EMCN: variants seen among roughly 807,000 people sequenced by gnomAD.
EMCN encodes endomucin.
In EMCN, 37 loss-of-function variants were observed where a neutral mutation model predicts 38.4. That is an observed-to-expected ratio of 0.96 (90% CI 0.74 to 1.27). The LOEUF is 1.27. EMCN is among the 50% of genes most tolerant of loss of function. The pLI is 0.00. For missense variants in EMCN, 318 were observed against 302.8 expected, an observed-to-expected ratio of 1.05 and a Z score of -0.37; for synonymous variants, 95 against 100.8, an observed-to-expected ratio of 0.94 and a Z score of 0.35.
At chr4:100,476,551 A>C (rs935109385) in intron 2 of EMCN, among the ~76,000 whole-genome samples, 1 of 152,168 alleles carries the variant, frequency 6.6e-6, no homozygotes, top group African/African-American at 2.4e-5. Context: ...TAAAGATATT[A>C]TATTATTTTG....
intron 11 of EMCN, among the ~76,000 whole-genome samples, chr4:100,409,989 C>T (rs1726504411): frequency 1.3e-5 from 2 of 152,188 alleles, no homozygotes; most frequent in African/African-American, 2.4e-5. Flanking sequence ...GCTTACTGAC[C>T]TAGGTAGGCA....
chr4:100,459,235 TAG>T (rs1162763204), intron 4 of EMCN, among the ~76,000 whole-genome samples: 1 of 143,800 alleles, frequency 7.0e-6, no homozygotes, highest in Non-Finnish European at 1.5e-5. Context: ...CTCTCATCTC[TAG>T]AGAGAGAGAC....
rs762362844 is a variant in EMCN at position 100,410,321 on chromosome 4, T to C, written c.786A>G (p.Ter262TrpextTer15). 6.2e-7 allele frequency: 1 copy of C among 1,613,728 alleles called. No individual in the cohort carries two copies. The highest frequency in any genetic ancestry group is 8.5e-7 in the Non-Finnish European group (1 of 1,179,664). ...EHSAQGKTKN[*>W] ...GGTGTGGAGAGAATTCCTCAAGCTG[T>C]CAGTTCTTGGTTTTTCCTTGTGCAG... Residue 262 changes from the stop codon to tryptophan (W), a stop_lost, in exon 11 of 12, where the codon TGA becomes TGG. Coordinates refer to ENST00000296420, the MANE Select transcript of EMCN (RefSeq NM_016242.4).
intron 10 of EMCN, among the ~76,000 whole-genome samples, chr4:100,414,408 T>C (rs1268886012): frequency 7.1e-6 from 1 of 139,976 alleles, no homozygotes; most frequent in Non-Finnish European, 1.5e-5. Flanking sequence ...AAAATAGGCC[T>C]GGCTACTTAG....
At chr4:100,469,612 T>TCAGCTACAAAAGCAAAA (rs1255208766) in intron 3 of EMCN, among the ~76,000 whole-genome samples, 6 of 61,454 alleles carry the variant, frequency 9.8e-5, no homozygotes, top group South Asian at 5.7e-4. Context: ...TTGAATATGG[T>TCAGCTACAAAAGCAAAA]GTAAAGAAGG....
chr4:100,495,621 C>T (rs917083403), intron 1 of EMCN, among the ~76,000 whole-genome samples: 1 of 151,936 alleles, frequency 6.6e-6, no homozygotes, highest in Non-Finnish European at 1.5e-5. Context: ...GAAAACCAAT[C>T]GATGTAATCT....
At chr4:100,480,096 C>A in intron 1 of EMCN, 57 bp from the exon 2 acceptor site, 1 of 1,491,308 alleles carries the variant, frequency 6.7e-7, no homozygotes, top group Non-Finnish European at 9.1e-7. Flanking sequence ...AATTAATAGA[C>A]TAGTATATTT....
intron 1 of EMCN, among the ~76,000 whole-genome samples, chr4:100,500,658 T>A (rs1331211043): frequency 6.6e-6 from 1 of 152,094 alleles, no homozygotes; most frequent in East Asian, 1.9e-4. Flanking sequence ...GGCAACATAT[T>A]GAGGCATTGT....
intron 4 of EMCN, among the ~76,000 whole-genome samples, chr4:100,457,461 T>TG (rs1396505803): frequency 1.3e-5 from 2 of 152,282 alleles, no homozygotes; most frequent in East Asian, 3.9e-4. Context: ...CTTTATTATT[T>TG]GGGGCAATTT....
In EMCN at chr4:100,408,001, C is replaced by T. The variant is rs112514228; in HGVS notation, c.*39+2281G>A. Among the ~76,000 whole-genome samples, 692 of 152,242 alleles carry T rather than the reference C, an allele frequency of 4.5e-3. 7 individuals carry two copies. The highest frequency in any genetic ancestry group is 0.016 in the African/African-American group (660 of 41,536). ...TTGAGTTCTGAGATTCTTTACTTGACTTGGTCTACTCTGCTGTTAATACTT... is the reference window on the plus strand; with the variant it reads ...TTGAGTTCTGAGATTCTTTACTTGATTTGGTCTACTCTGCTGTTAATACTT... On this transcript the variant is annotated intron_variant, in intron 11 of 11. Coordinates refer to ENST00000296420, the MANE Select transcript of EMCN (RefSeq NM_016242.4).
In EMCN at chr4:100,479,926, T is replaced by C; in HGVS notation, c.178A>G (p.Thr60Ala). 1 of 1,607,374 alleles carries C rather than the reference T, an allele frequency of 6.2e-7. No homozygotes were observed. Among genetic ancestry groups the C allele is most frequent in the Non-Finnish European group, 8.5e-7 (1 of 1,177,372 alleles). Residue 60 changes from threonine to alanine, a missense_variant, in exon 2 of 12, where the codon ACT becomes GCT. Thr to Ala is a moderately conservative substitution (Grantham distance 58, BLOSUM62 0). Coordinates refer to ENST00000296420, the MANE Select transcript of EMCN (RefSeq NM_016242.4). ...TAACAGTTAATCCTACCTTTAGGAG[T>C]TGTTCCAGTTGTTGGTGTGACAACA... ...KNVVTPTTGT[T>A]PKGTITNELL...
intron 10 of EMCN, among the ~76,000 whole-genome samples, chr4:100,415,660 A>G (rs569944026): frequency 1.3e-3 from 198 of 152,276 alleles, no homozygotes; most frequent in African/African-American, 4.6e-3. Flanking sequence ...GCCTCCAGCC[A>G]TCTACACATC....
chr4:100,480,363 C>T (rs765130247), intron 1 of EMCN, among the ~76,000 whole-genome samples: 45 of 151,826 alleles, frequency 3.0e-4, no homozygotes, highest in Non-Finnish European at 6.0e-4. Context: ...AGATGAAATG[C>T]TTAAATGGGC....
rs116814995 is a variant in EMCN at position 100,441,121 on chromosome 4, A to T, written c.415+6412T>A. Among the ~76,000 whole-genome samples the T allele has an allele frequency of 3.8e-3, 575 of 152,090 alleles. 8 individuals are homozygous for T. Among genetic ancestry groups the T allele is most frequent in the African/African-American group, 0.013 (556 of 41,476 alleles). ...AAAAAGTGGGGTATTAAAGTCCTTC[A>T]ATATTATAATATTGCTCTTTATTTC... On this transcript the variant is annotated intron_variant, in intron 5 of 11. Coordinates refer to ENST00000296420, the MANE Select transcript of EMCN (RefSeq NM_016242.4).
chr4:100,448,121 G>A (rs905301060), intron 4 of EMCN, among the ~76,000 whole-genome samples: 1 of 152,020 alleles, frequency 6.6e-6, no homozygotes, highest in African/African-American at 2.4e-5. Flanking sequence ...AAGCAGCAAA[G>A]TTCAGACAGA....
chr4:100,444,341 G>A (rs1578198501), intron 5 of EMCN, among the ~76,000 whole-genome samples: 2 of 152,186 alleles, frequency 1.3e-5, no homozygotes, highest in Admixed American at 1.3e-4. Flanking sequence ...GCACTGGAGT[G>A]TGCAATTATT....
At chr4:100,479,823 T>C in intron 2 of EMCN, 94 bp downstream of exon 2, 1 of 1,039,104 alleles carries the variant, frequency 9.6e-7, no homozygotes, top group Non-Finnish European at 1.3e-6. Context: ...CAATCAGATA[T>C]AAGATCCCGA....
chr4:100,415,840 T>G, intron 10 of EMCN, 58 bp downstream of exon 10: 1 of 1,200,820 alleles, frequency 8.3e-7, no homozygotes. Flanking sequence ...AAATCCAAGG[T>G]TATAGTTAGA....
intron 1 of EMCN, among the ~76,000 whole-genome samples, chr4:100,482,316 G>A (rs1050908432): frequency 1.3e-5 from 2 of 152,068 alleles, no homozygotes. Flanking sequence ...TGTGTGTTGT[G>A]TGTAAGTCTG....
Sources: gnomAD v4.1 joint callset for allele counts (sites outside exome capture counted in the v4.1 genomes callset) on GRCh38, gnomAD v4.1.1 for gene constraint, MANE v1.5 for transcripts, NCBI Gene and HGNC (gene_info 2026-07-23, HGNC 2026-07-21) for gene names.